The following KCNQ1 variants were observed in gnomAD, a reference collection of about 807,000 sequenced individuals.
KCNQ1 encodes the protein potassium voltage-gated channel subfamily KQT member 1.
Under a neutral mutation model 72.4 loss-of-function variants are expected in KCNQ1, and 49 were observed. That is an observed-to-expected ratio of 0.68 (90% CI 0.54 to 0.86). The LOEUF (loss-of-function observed/expected upper bound fraction) is 0.86, where lower values mean the gene tolerates loss of function less well. Ranked by LOEUF, KCNQ1 falls within the 40% of genes least tolerant of loss-of-function variation. The pLI, the probability that KCNQ1 is intolerant of heterozygous loss-of-function variation, is 0.00. For synonymous variants in KCNQ1, 450 were observed against 412.6 expected (o/e 1.09, Z -1.10); for missense variants, 790 against 945.1 (o/e 0.84, Z 2.15).
intron 11 of KCNQ1, chr11:2,697,342 T>G: frequency 5.0e-6 from 2 of 398,636 alleles, no homozygotes; most frequent in Non-Finnish European, 8.8e-6. Flanking sequence ...TGAGCTACAC[T>G]AAGTTTTATC....
chr11:2,749,675 C>T (rs186376420), intron 11 of KCNQ1, among the ~76,000 whole-genome samples: 21,500 of 147,736 alleles, frequency 0.15, 1,806 homozygotes, highest in East Asian at 0.28. Flanking sequence ...TGTCCGGGCG[C>T]GGTGGCGGGC....
chr11:2,729,894 G>A (rs1181202427), intron 11 of KCNQ1, among the ~76,000 whole-genome samples: 1 of 152,148 alleles, frequency 6.6e-6, no homozygotes, highest in Non-Finnish European at 1.5e-5. Context: ...GGGTCGTGGA[G>A]GACCTTACAG....
At chr11:2,528,851 G>A (rs1436460825) in intron 2 of KCNQ1, among the ~76,000 whole-genome samples, 2 of 152,254 alleles carry the variant, frequency 1.3e-5, no homozygotes, top group African/African-American at 2.4e-5. Context: ...AGGGGAGCCC[G>A]TCCCTCCGGG....
At chr11:2,614,989 G>A (rs899069806) in intron 10 of KCNQ1, 19 of 398,180 alleles carry the variant, frequency 4.8e-5, no homozygotes, top group Non-Finnish European at 7.5e-5. Flanking sequence ...GGGTAATATC[G>A]CCAACTTAAC....
rs767929610 is a variant in KCNQ1 at position 2,598,609 on chromosome 11, T to TAAAA, written c.1393+9764_1393+9767dup. The stretch of plus-strand genomic sequence containing the variant: ...CATTTAGGTCTGCTCTGCCCTTAGT[T>TAAAA]AAAAAAAAAAAACCCTAATACATCT... On this transcript the variant is annotated intron_variant, in intron 10 of 15. Coordinates refer to ENST00000155840, the MANE Select transcript of KCNQ1 (RefSeq NM_000218.3). The surrounding 1 kb of genome is among the most constrained non-coding windows in gnomAD (Gnocchi z 6.2). 4.3e-4 allele frequency among the ~76,000 whole-genome samples: 62 copies of TAAAA among 143,620 alleles called. No homozygotes were observed. The highest frequency in any genetic ancestry group is 1.4e-3 in the African/African-American group (55 of 38,696). 94.2% of individuals were successfully genotyped at this position (143,620 alleles called of 152,430 possible). A position where few individuals can be genotyped will look rare whatever the true frequency, so the allele number is the denominator to read the frequency against.
chr11:2,619,445 T>G (rs1439285602), intron 10 of KCNQ1: 1 of 398,480 alleles, frequency 2.5e-6, no homozygotes, highest in Non-Finnish European at 4.4e-6. Context: ...GGTTTTCATC[T>G]TTCAGTCTGT....
At chr11:2,519,012 C>A (rs1847332974) in intron 1 of KCNQ1, among the ~76,000 whole-genome samples, 1 of 152,152 alleles carries the variant, frequency 6.6e-6, no homozygotes, top group Non-Finnish European at 1.5e-5. Context: ...GTTGTGGCTG[C>A]CAGGGGAGGG....
At chr11:2,717,330 G>C (rs1851109875) in intron 11 of KCNQ1, among the ~76,000 whole-genome samples, 1 of 152,152 alleles carries the variant, frequency 6.6e-6, no homozygotes, top group African/African-American at 2.4e-5. Context: ...CGACAGCCAG[G>C]CCCTCCCAGG....
intron 2 of KCNQ1, among the ~76,000 whole-genome samples, chr11:2,535,554 A>T (rs1485781660): frequency 6.6e-6 from 1 of 152,080 alleles, no homozygotes; most frequent in Non-Finnish European, 1.5e-5. Flanking sequence ...GTGACACTGA[A>T]GCTGTTGAAA....
rs1554889998 is a variant in KCNQ1 at position 2,544,274 on chromosome 11, A to ATATGTG, written c.477+16259_477+16260insGTGTAT. 9.9e-6 allele frequency among the ~76,000 whole-genome samples: 1 copy of ATATGTG among 100,896 alleles called. No homozygotes were observed. Among genetic ancestry groups the ATATGTG allele is most frequent in the African/African-American group, 6.3e-5 (1 of 15,918 alleles). The allele number at this position is 100,896 out of a possible 152,430, so 66.2% of individuals were successfully genotyped here. A position where few individuals can be genotyped will look rare whatever the true frequency, so the allele number is the denominator to read the frequency against. On this transcript the variant is annotated intron_variant, in intron 2 of 15. Coordinates refer to ENST00000155840, the MANE Select transcript of KCNQ1 (RefSeq NM_000218.3). This position sits in a 1 kb window ranked among gnomAD's most constrained non-coding sequence, Gnocchi z 4.4. ...TATATATATATGTGTGTGTGTGTATATATATGTGTATATATATATGTATAT... is the reference window on the plus strand; with the variant it reads ...TATATATATATGTGTGTGTGTGTATATATGTGTATATGTGTATATATATATGTATAT...
chr11:2,793,509 G>A (rs953370388), intron 15 of KCNQ1, among the ~76,000 whole-genome samples: 3 of 147,266 alleles, frequency 2.0e-5, no homozygotes, highest in Admixed American at 6.7e-5. Context: ...CTGTGGTCCC[G>A]GCTGCTCAGC....
chr11:2,691,354 C>T lies in KCNQ1; in HGVS notation c.1514+29273C>T. On this transcript the variant is annotated intron_variant, in intron 11 of 15. Transcript: ENST00000155840. The surrounding 1 kb of genome is among the most constrained non-coding windows in gnomAD (Gnocchi z 6.4). ...ACTGCACTTACAGTGACCACCCATC[C>T]TGACATCTTGGGCTCAGGCCTCTGG... is the stretch of plus-strand genomic sequence containing the variant. 2.5e-6 allele frequency: 1 copy of T among 398,666 alleles called. No individual in the cohort carries two copies. The highest frequency in any genetic ancestry group is 1.3e-4 in the South Asian group (1 of 7,862). 24.7% of individuals were successfully genotyped at this position (398,666 alleles called of 1,614,324 possible).
chr11:2,585,391 C>T (rs56413900), intron 8 of KCNQ1, 84 bp downstream of exon 8: 12,434 of 1,201,360 alleles, frequency 0.01, 108 homozygotes, highest in Middle Eastern at 0.034. Flanking sequence ...CTGTCAGAAC[C>T]ATCATTGGCC....
intron 2 of KCNQ1, among the ~76,000 whole-genome samples, chr11:2,551,311 C>T (rs967583346): frequency 6.6e-6 from 1 of 152,196 alleles, no homozygotes; most frequent in Admixed American, 6.5e-5. Flanking sequence ...TGTTTCCTGT[C>T]CCCATGGTTT....
intron 5 of KCNQ1, among the ~76,000 whole-genome samples, 160 bp downstream of exon 5, chr11:2,572,269 G>C (rs1319263978): frequency 6.6e-6 from 1 of 152,194 alleles, no homozygotes; most frequent in Non-Finnish European, 1.5e-5. Context: ...CTCAGAGCAA[G>C]CCCAAGCTTG....
At chr11:2,756,894 CA>C (rs1292187588) in intron 11 of KCNQ1, among the ~76,000 whole-genome samples, 1 of 124,368 alleles carries the variant, frequency 8.0e-6, no homozygotes, top group East Asian at 2.7e-4. Context: ...AGTTAACATT[CA>C]AAACTTAATT....
chr11:2,654,941 T>C lies in KCNQ1; in HGVS notation c.1394-7020T>C, dbSNP rs1385797462. ...GAGCAAGGCACAGATACAGGAGACT[T>C]CCACAAATTATTGTTTCTTGACTTG... On this transcript the variant is annotated intron_variant, in intron 10 of 15. Coordinates refer to ENST00000155840, the MANE Select transcript of KCNQ1 (RefSeq NM_000218.3). The surrounding 1 kb of genome is among the most constrained non-coding windows in gnomAD (Gnocchi z 6.4). The C allele has an allele frequency of 2.5e-6, 1 of 398,462 alleles. No homozygotes were observed. Among genetic ancestry groups the C allele is most frequent in the Non-Finnish European group, 4.4e-6 (1 of 226,066 alleles). The allele number at this position is 398,462 out of a possible 1,614,324, so 24.7% of individuals were successfully genotyped here.
At chr11:2,560,025 G>A (rs934929175) in intron 2 of KCNQ1, among the ~76,000 whole-genome samples, 3 of 150,078 alleles carry the variant, frequency 2.0e-5, no homozygotes, top group East Asian at 2.0e-4. Context: ...GAGAGGCAGC[G>A]TCCCAAACAC....
intron 11 of KCNQ1, chr11:2,689,121 G>A: frequency 2.5e-6 from 1 of 398,792 alleles, no homozygotes; most frequent in Non-Finnish European, 4.4e-6. Flanking sequence ...CTGCCCTGGT[G>A]TGAAAGCCTG....
Sources: gnomAD v4.1 joint callset for allele counts (sites outside exome capture counted in the v4.1 genomes callset) on GRCh38, gnomAD v4.1.1 for gene constraint, Gnocchi (gnomAD v3.1) non-coding constraint, MANE v1.5 for transcripts, NCBI Gene and HGNC (gene_info 2026-07-23, HGNC 2026-07-21) for gene names.